Variants in PRKD3 observed in about 807,000 individuals in gnomAD.
PRKD3 encodes the protein serine/threonine-protein kinase D3.
A neutral mutation model predicts 99.2 loss-of-function variants in PRKD3; 47 were observed. That is an observed-to-expected ratio of 0.47 (90% CI 0.38 to 0.60). The LOEUF (loss-of-function observed/expected upper bound fraction) is 0.60, where lower values mean the gene tolerates loss of function less well. Ranked by LOEUF, PRKD3 falls within the 20% of genes least tolerant of loss-of-function variation. The pLI, the probability that PRKD3 is intolerant of heterozygous loss-of-function variation, is 0.00. For missense variants in PRKD3, 1,019 were observed against 1,088.4 expected, an observed-to-expected ratio of 0.94 and a Z score of 0.90; for synonymous variants, 392 against 355.4, an observed-to-expected ratio of 1.10 and a Z score of -1.16.
At chr2:37,268,317 T>C (rs1668981226) in intron 13 of PRKD3, 1 of 470,976 alleles carries the variant, frequency 2.1e-6, no homozygotes, top group Middle Eastern at 3.2e-4. Context: ...CAGTTCTTTG[T>C]TCCTCTGATG....
At chr2:37,256,569 G>A in intron 17 of PRKD3, 93 bp downstream of exon 17, 1 of 1,369,360 alleles carries the variant, frequency 7.3e-7, no homozygotes, top group East Asian at 2.5e-5. Flanking sequence ...AAGATAAGTT[G>A]CAAGAGACAG....
intron 14 of PRKD3, among the ~76,000 whole-genome samples, chr2:37,263,555 T>G (rs968939740): frequency 1.3e-5 from 2 of 152,190 alleles, no homozygotes; most frequent in East Asian, 1.9e-4. Flanking sequence ...TTTATAAATG[T>G]TTATGGTGTT....
chr2:37,257,982 A>G (rs1478507953), intron 16 of PRKD3, among the ~76,000 whole-genome samples: 1 of 152,172 alleles, frequency 6.6e-6, no homozygotes, highest in Non-Finnish European at 1.5e-5. Context: ...GAAGTTGATG[A>G]GCTTGGCAGA....
intron 4 of PRKD3, 60 bp downstream of exon 4, chr2:37,290,808 A>G: frequency 6.7e-7 from 1 of 1,488,870 alleles, no homozygotes; most frequent in Middle Eastern, 1.8e-4. Flanking sequence ...TTCACTGATA[A>G]TAAAAAATGC....
intron 14 of PRKD3, among the ~76,000 whole-genome samples, chr2:37,265,494 C>CACACACACACACAA (rs931735033): frequency 1.3e-5 from 2 of 151,970 alleles, no homozygotes; most frequent in African/African-American, 4.8e-5. Flanking sequence ...ATACTACACA[C>CACACACACACACAA]ACACACACAC....
rs1044247869 is a variant in PRKD3 at position 37,316,103 on chromosome 2, A to G, written c.288+134T>C. 13 of 919,644 alleles carry G rather than the reference A, an allele frequency of 1.4e-5. No individual in the cohort carries two copies. In the African/African-American group the frequency reaches 1.7e-4, roughly 12 times the overall value. The allele number at this position is 919,644 out of a possible 1,614,324, so 57.0% of individuals were successfully genotyped here. On this transcript the variant is annotated intron_variant, in intron 2 of 18. Coordinates refer to ENST00000234179, the MANE Select transcript of PRKD3 (RefSeq NM_005813.6). ...ATTTCAGTCTTTAGCCTCAGAGGTC[A>G]TTAGAACTCTTCCAAAAATGCACAG...
intron 1 of PRKD3, among the ~76,000 whole-genome samples, chr2:37,323,108 C>G (rs1167338046): frequency 3.3e-5 from 5 of 151,508 alleles, no homozygotes; most frequent in Admixed American, 1.3e-4. Flanking sequence ...TTATGAAGTT[C>G]TGTGTGTGTG....
intron 13 of PRKD3, chr2:37,268,393 T>C (rs900970020): frequency 6.4e-6 from 3 of 469,812 alleles, no homozygotes; most frequent in Admixed American, 4.7e-5. Context: ...AAACCATAGA[T>C]ATTATATATG....
chr2:37,315,056 G>C (rs1191780186), intron 2 of PRKD3, among the ~76,000 whole-genome samples: 1 of 152,114 alleles, frequency 6.6e-6, no homozygotes, highest in Admixed American at 6.5e-5. Context: ...AAAGCGTAAA[G>C]AATTGAAACA....
At chr2:37,282,776 C>CA (rs1669911540) in intron 6 of PRKD3, among the ~76,000 whole-genome samples, 157 bp from the exon 7 acceptor site, 1 of 151,610 alleles carries the variant, frequency 6.6e-6, no homozygotes, top group Non-Finnish European at 1.5e-5. Flanking sequence ...CCCTCTGCAC[C>CA]CCCCCATCAT....
chr2:37,314,822 C>T (rs1442046283), intron 2 of PRKD3, among the ~76,000 whole-genome samples: 1 of 151,908 alleles, frequency 6.6e-6, no homozygotes, highest in Non-Finnish European at 1.5e-5. Context: ...TGTTTGAAAA[C>T]AGTCTGTAAA....
chr2:37,318,514 A>G (rs552805100), intron 1 of PRKD3, among the ~76,000 whole-genome samples: 6 of 152,334 alleles, frequency 3.9e-5, no homozygotes, highest in African/African-American at 1.4e-4. Flanking sequence ...CCACAAGAAC[A>G]CACTATTTCT....
chr2:37,289,741 C>A (rs889091531), intron 4 of PRKD3, among the ~76,000 whole-genome samples: 2 of 151,984 alleles, frequency 1.3e-5, no homozygotes, highest in Admixed American at 6.6e-5. Context: ...AAGTGTGGTC[C>A]CTAAGGCAAC....
chr2:37,311,511 C>T (rs1364722225), intron 2 of PRKD3, among the ~76,000 whole-genome samples: 1 of 152,048 alleles, frequency 6.6e-6, no homozygotes, highest in African/African-American at 2.4e-5. Context: ...GATAATGGCA[C>T]CCAGGTGTAG....
chr2:37,292,736 C>T (rs1190594849), intron 3 of PRKD3, among the ~76,000 whole-genome samples: 2 of 151,976 alleles, frequency 1.3e-5, no homozygotes, highest in African/African-American at 4.8e-5. Context: ...GCCTCAACCT[C>T]CCAGGATCAG....
intron 2 of PRKD3, among the ~76,000 whole-genome samples, chr2:37,295,301 A>G (rs1670627502): frequency 1.3e-5 from 2 of 152,156 alleles, no homozygotes; most frequent in Admixed American, 1.3e-4. Context: ...AAAAAATTAT[A>G]GAAGGAGGAG....
At chr2:37,284,620 G>GT (rs1179496536) in intron 6 of PRKD3, among the ~76,000 whole-genome samples, 1 of 152,054 alleles carries the variant, frequency 6.6e-6, no homozygotes, top group African/African-American at 2.4e-5. Flanking sequence ...ATATTTTAAA[G>GT]TATTAATTTA....
intron 16 of PRKD3, among the ~76,000 whole-genome samples, chr2:37,258,161 T>C (rs1668126879): frequency 6.6e-6 from 1 of 152,180 alleles, no homozygotes; most frequent in Admixed American, 6.5e-5. Context: ...AGGAAAAAGA[T>C]TTAAGCTGTA....
intron 9 of PRKD3, among the ~76,000 whole-genome samples, chr2:37,276,409 T>C (rs2148543588): frequency 6.6e-6 from 1 of 152,276 alleles, no homozygotes; most frequent in East Asian, 1.9e-4. Context: ...TAAAGTGATA[T>C]TCCTTTTATT....
Sources: allele counts gnomAD v4.1 joint callset (sites outside exome capture counted in the v4.1 genomes callset), GRCh38; gene constraint gnomAD v4.1.1; transcripts MANE v1.5; gene names NCBI Gene and HGNC (gene_info 2026-07-23, HGNC 2026-07-21).